RCSD1: variants seen among roughly 807,000 people sequenced by gnomAD.
The protein encoded by RCSD1 is capZ-interacting protein.
In RCSD1, 26 loss-of-function variants were observed where a neutral mutation model predicts 42.5. The ratio of observed to expected loss-of-function variants is 0.61; its 90% CI spans 0.45 to 0.85. The LOEUF (loss-of-function observed/expected upper bound fraction) is 0.85. RCSD1 is among the 40% of genes least tolerant of loss of function. The probability of loss-of-function intolerance (pLI) is 0.00; values close to 1 mark genes in which losing one functional copy is unlikely to be tolerated. For missense variants in RCSD1, 571 were observed against 528.3 expected, an observed-to-expected ratio of 1.08 and a Z score of -0.79; for synonymous variants, 220 against 212.2, an observed-to-expected ratio of 1.04 and a Z score of -0.32.
chr1:167,678,742 C>G (rs1452568055), intron 1 of RCSD1, among the ~76,000 whole-genome samples: 3 of 152,228 alleles, frequency 2.0e-5, no homozygotes, highest in African/African-American at 7.2e-5. Flanking sequence ...ACTGCGCGCT[C>G]TGGTCCATGA....
At position 167,684,012 on chromosome 1, in the gene RCSD1, C is replaced by T; in HGVS notation, c.108+11C>T. 1 of 1,607,332 alleles carries T rather than the reference C, an allele frequency of 6.2e-7. No individual in the cohort carries two copies. Among genetic ancestry groups the T allele is most frequent in the African/African-American group, 1.3e-5 (1 of 74,978 alleles). On this transcript the variant is annotated intron_variant, in intron 2 of 6. Coordinates refer to ENST00000367854, the MANE Select transcript of RCSD1 (RefSeq NM_052862.4). ...GCTGCAGCCAAGGAGGTGAGTCAGG[C>T]CGCTTCAGAGCAGCCTCTTCAGCAG...
intron 1 of RCSD1, chr1:167,640,738 CG>C (rs1434548011): frequency 6.6e-6 from 1 of 152,306 alleles, no homozygotes; most frequent in Admixed American, 6.5e-5. Flanking sequence ...TTAGTAGAGA[CG>C]AGGTCTCACT....
intron 1 of RCSD1, among the ~76,000 whole-genome samples, chr1:167,635,436 C>G (rs1657814875): frequency 6.6e-6 from 1 of 152,148 alleles, no homozygotes; most frequent in Non-Finnish European, 1.5e-5. Flanking sequence ...TCTAAGGGCC[C>G]AGCCCAGGCC....
chr1:167,695,406 A>G (rs1228150434), intron 5 of RCSD1, among the ~76,000 whole-genome samples: 2 of 152,262 alleles, frequency 1.3e-5, no homozygotes, highest in East Asian at 3.8e-4. Context: ...CATGGTCTCA[A>G]GAAAGGGCTT....
At chr1:167,689,480 C>CA (rs757551808) in intron 3 of RCSD1, among the ~76,000 whole-genome samples, 1,783 of 82,742 alleles carry the variant, frequency 0.022, 38 homozygotes, top group African/African-American at 0.078. Flanking sequence ...GACTCTGTCT[C>CA]AAAAAAAAAA....
At position 167,697,770 on chromosome 1, in the gene RCSD1, C is replaced by A; in HGVS notation, c.1146C>A (p.Ser382Arg). 1.3e-6 allele frequency: 2 copies of A among 1,510,622 alleles called. No homozygotes were observed. Among genetic ancestry groups the A allele is most frequent in the Non-Finnish European group, 8.8e-7 (1 of 1,131,758 alleles). The allele number at this position is 1,510,622 out of a possible 1,614,324, so 93.6% of individuals were successfully genotyped here. A position where few individuals can be genotyped will look rare whatever the true frequency, so the allele number is the denominator to read the frequency against. ...QEGAVLEPGC[S>R]PQTGPAQLET... ...GGGCAGTGCTCGAGCCAGGCTGCAG[C>A]CCCCAGACCGGCCCTGCCCAGCTGG... The change falls in exon 6 of 7, where the codon AGC becomes AGA. Residue 382 changes from serine to arginine, a missense_variant. Ser to Arg is a moderately radical substitution (Grantham distance 110). Transcript: ENST00000367854.
In RCSD1 at chr1:167,707,738, T is replaced by G. The variant is rs1176933446; in HGVS notation, c.*3042T>G. 6.6e-6 allele frequency among the ~76,000 whole-genome samples: 1 copy of G among 152,088 alleles called. No homozygotes were observed. The highest frequency in any genetic ancestry group is 1.5e-5 in the Non-Finnish European group (1 of 67,998). On this transcript the variant is annotated 3_prime_UTR_variant, in exon 7 of 7. Coordinates refer to ENST00000367854, the MANE Select transcript of RCSD1 (RefSeq NM_052862.4). ...CTGGAGTGCAGTGGCACAATCACAG[T>G]TCACTGCAACCTCTGCCTCCTGCAT...
At chr1:167,669,132 C>G (rs759951969) in intron 1 of RCSD1, among the ~76,000 whole-genome samples, 1 of 152,190 alleles carries the variant, frequency 6.6e-6, no homozygotes, top group Non-Finnish European at 1.5e-5. Context: ...TGCTAATAAT[C>G]TAATGACTGT....
At chr1:167,696,547 G>T (rs1659502050) in intron 5 of RCSD1, among the ~76,000 whole-genome samples, 2 of 151,450 alleles carry the variant, frequency 1.3e-5, no homozygotes, top group Admixed American at 1.3e-4. Flanking sequence ...AATCTCCCAG[G>T]CTCAAGCTAT....
intron 1 of RCSD1, among the ~76,000 whole-genome samples, chr1:167,650,434 G>A (rs1658272713): frequency 6.6e-6 from 1 of 152,160 alleles, no homozygotes; most frequent in South Asian, 2.1e-4. Context: ...GGCTGGGCCA[G>A]GCCCAGACCA....
In RCSD1 at chr1:167,685,486, A is replaced by G; in HGVS notation, c.174A>G (p.Val58=). 6.2e-7 allele frequency: 1 copy of G among 1,613,830 alleles called. No individual in the cohort carries two copies. The highest frequency in any genetic ancestry group is 8.5e-7 in the Non-Finnish European group (1 of 1,179,854). ...CCCTCCCCCTGTTCCCCCCCAAGGT[A>G]GACCTGGGCCAGAATGGTGAGGAGG... ...PCSLPLFPPK[V]DLGQNGEEKS... The change falls in exon 3 of 7, where the codon GTA becomes GTG. Residue 58 remains valine (V), a synonymous_variant. Transcript: ENST00000367854.
chr1:167,686,861 A>T (rs1193682223), intron 3 of RCSD1, among the ~76,000 whole-genome samples: 1 of 152,228 alleles, frequency 6.6e-6, no homozygotes, highest in African/African-American at 2.4e-5. Flanking sequence ...CTGCCCCCTG[A>T]TAGCCTGGGC....
At chr1:167,658,916 T>A (rs892414268) in intron 1 of RCSD1, among the ~76,000 whole-genome samples, 3 of 151,926 alleles carry the variant, frequency 2.0e-5, no homozygotes, top group African/African-American at 7.3e-5. Flanking sequence ...GAGTGTAGGG[T>A]GAGCTGAAGG....
chr1:167,651,297 G>T (rs574143955), intron 1 of RCSD1, among the ~76,000 whole-genome samples: 1 of 152,260 alleles, frequency 6.6e-6, no homozygotes, highest in Admixed American at 6.5e-5. Context: ...CACAGCAGAA[G>T]TCACCACACC....
intron 1 of RCSD1, among the ~76,000 whole-genome samples, chr1:167,682,302 T>C (rs934394027): frequency 1.3e-5 from 2 of 151,858 alleles, no homozygotes; most frequent in Non-Finnish European, 2.9e-5. Flanking sequence ...CCCAAGTAAC[T>C]GAGATTACAG....
chr1:167,682,872 TG>T (rs1659116651), intron 1 of RCSD1, among the ~76,000 whole-genome samples: 1 of 152,156 alleles, frequency 6.6e-6, no homozygotes, highest in African/African-American at 2.4e-5. Flanking sequence ...GTTCGAAGTC[TG>T]TGTAAGAAAT....
chr1:167,695,162 C>A (rs768345949), intron 5 of RCSD1, among the ~76,000 whole-genome samples: 1 of 152,224 alleles, frequency 6.6e-6, no homozygotes, highest in South Asian at 2.1e-4. Flanking sequence ...TTGAGCCTGC[C>A]GGCTAGGGCC....
intron 1 of RCSD1, among the ~76,000 whole-genome samples, chr1:167,654,720 A>G (rs1455528633): frequency 6.6e-6 from 1 of 152,196 alleles, no homozygotes; most frequent in Admixed American, 6.5e-5. Context: ...AGAATAGACA[A>G]GAGGAAGGAG....
At chr1:167,658,130 AC>A (rs1658462371) in intron 1 of RCSD1, among the ~76,000 whole-genome samples, 1 of 152,092 alleles carries the variant, frequency 6.6e-6, no homozygotes, top group East Asian at 1.9e-4. Context: ...TATGAGACAC[AC>A]TGGGTTTATG....
Sources: allele counts gnomAD v4.1 joint callset (sites outside exome capture counted in the v4.1 genomes callset), GRCh38; gene constraint gnomAD v4.1.1; transcripts MANE v1.5; gene names NCBI Gene and HGNC (gene_info 2026-07-23, HGNC 2026-07-21).